The following ATP8B3 variants were observed in gnomAD, a reference collection of about 807,000 sequenced individuals.
ATP8B3 encodes the protein ATPase phospholipid transporting 8B3.
A neutral mutation model predicts 140.9 loss-of-function variants in ATP8B3; 141 were observed. That is an observed-to-expected ratio of 1.00 (90% CI 0.87 to 1.15). ATP8B3 has a LOEUF of 1.15. ATP8B3 is among the 50% of genes most tolerant of loss of function. The pLI is 0.00. For missense variants in ATP8B3, 1,874 were observed against 1,740.6 expected (o/e 1.08, Z -1.36); for synonymous variants, 765 against 714.6 (o/e 1.07, Z -1.13).
chr19:1,798,580 T>TTC (rs2068750602), intron 14 of ATP8B3, among the ~76,000 whole-genome samples: 1 of 151,104 alleles, frequency 6.6e-6, no homozygotes, highest in Non-Finnish European at 1.5e-5. Flanking sequence ...CTATTAAAAA[T>TTC]ACAAAAAATT....
chr19:1,787,126 G>A lies in ATP8B3; in HGVS notation c.3130C>T (p.Leu1044Phe). 6.2e-7 allele frequency: 1 copy of A among 1,609,084 alleles called. No homozygotes were observed. The highest frequency in any genetic ancestry group is 8.5e-7 in the Non-Finnish European group (1 of 1,177,614). ...FNLLYSTLPV[L>F]YIGLFEQDVS... ...ACCTGCTCAAAGAGCCCAATGTAGA[G>A]AACTGGCAGGGTGCTGTACAGGAGG... Residue 1044 changes from leucine (L) to phenylalanine (F), a missense_variant, in exon 25 of 29, where the codon CTC becomes TTC. By Grantham distance (22) the Leu-to-Phe change is conservative. Around this residue, in one of 3 missense-constraint regions of ATP8B3, gnomAD observed 840 missense variants for 760.9 expected, o/e 1.10. Transcript: ENST00000310127.
intron 18 of ATP8B3, among the ~76,000 whole-genome samples, chr19:1,795,434 C>T (rs776199687): frequency 1.7e-4 from 25 of 151,108 alleles, no homozygotes; most frequent in Middle Eastern, 3.3e-3. Context: ...GCCTGTAATT[C>T]CAGCTCCTCG....
Position 1,782,776 on chromosome 19 carries a change from A to G in ATP8B3, c.*252T>C. 1 of 516,306 alleles carries G rather than the reference A, an allele frequency of 1.9e-6. No individual in the cohort carries two copies. Among genetic ancestry groups the G allele is most frequent in the Middle Eastern group, 5.3e-4 (1 of 1,890 alleles). 32.0% of individuals were successfully genotyped at this position (516,306 alleles called of 1,614,324 possible). A position where few individuals can be genotyped will look rare whatever the true frequency, so the allele number is the denominator to read the frequency against. ...TGGTCAACAGCAACTTCTCAGGAGA[A>G]GGTGGCCTCTGCTTGGGTGACAATG... is the stretch of plus-strand genomic sequence containing the variant. On this transcript the variant is annotated 3_prime_UTR_variant, in exon 29 of 29. Transcript: ENST00000310127.
chr19:1,784,650 G>C (rs2145167280), intron 28 of ATP8B3, among the ~76,000 whole-genome samples, 169 bp downstream of exon 28: 2 of 152,328 alleles, frequency 1.3e-5, no homozygotes, highest in Middle Eastern at 6.8e-3. Flanking sequence ...TCGGGCCCCG[G>C]GGGCACTGGG....
At chr19:1,790,689 G>A (rs1266088899) in intron 21 of ATP8B3, 68 bp downstream of exon 21, 2 of 905,950 alleles carry the variant, frequency 2.2e-6, no homozygotes, top group Non-Finnish European at 2.8e-6. Context: ...AGTGAGACAC[G>A]CACCTGGGTG....
intron 23 of ATP8B3, 45 bp from the exon 24 acceptor site, chr19:1,789,165 C>T: frequency 9.6e-7 from 1 of 1,044,544 alleles, no homozygotes; most frequent in South Asian, 1.4e-5. Context: ...CGCCCCCAGT[C>T]CCGCCCGCCC....
chr19:1,808,345 G>C lies in ATP8B3; in HGVS notation c.403-10C>G, dbSNP rs1175808625. ...TGCGGATGACATTGGTCTGGAACGA[G>C]AGCCGCGGGCTGCCTGGCAGAGGGG... On this transcript the variant is annotated splice_polypyrimidine_tract_variant and intron_variant, in intron 4 of 28. Transcript: ENST00000310127. The C allele has an allele frequency of 1.2e-6, 2 of 1,604,926 alleles. No individual in the cohort carries two copies. Among genetic ancestry groups the C allele is most frequent in the Admixed American group, 1.7e-5 (1 of 59,612 alleles).
intron 10 of ATP8B3, among the ~76,000 whole-genome samples, chr19:1,804,747 A>C (rs2068959925): frequency 6.6e-6 from 1 of 152,170 alleles, no homozygotes; most frequent in Non-Finnish European, 1.5e-5. Flanking sequence ...CAGAGGTTGC[A>C]GTGAGCCAAG....
intron 10 of ATP8B3, among the ~76,000 whole-genome samples, chr19:1,804,827 A>G (rs2068963291): frequency 6.6e-6 from 1 of 152,180 alleles, no homozygotes; most frequent in Admixed American, 6.5e-5. Context: ...AAAGAAAAAG[A>G]AACAGCCAAG....
intron 25 of ATP8B3, 40 bp downstream of exon 25, chr19:1,787,063 G>C: frequency 6.6e-7 from 1 of 1,515,732 alleles, no homozygotes; most frequent in Non-Finnish European, 9.0e-7. Flanking sequence ...GAGAGGCTAA[G>C]CAGAGACCTG....
Position 1,785,167 on chromosome 19 carries a change from G to T in ATP8B3, c.3524C>A (p.Pro1175Gln). 1 of 1,577,246 alleles carries T rather than the reference G, an allele frequency of 6.3e-7. No individual in the cohort carries two copies. The highest frequency in any genetic ancestry group is 2.3e-5 in the East Asian group (1 of 43,522). The change falls in exon 27 of 29, where the codon CCG becomes CAG. Residue 1175 changes from proline to glutamine, a missense_variant. By Grantham distance (76) the Pro-to-Gln change is moderately conservative (BLOSUM62 -1). Coordinates refer to ENST00000310127, the MANE Select transcript of ATP8B3 (RefSeq NM_138813.4). ...WLFRVSPTTF[P>Q]FLYADLSVMS... Reference sequence around the variant, plus strand: ...TCCCCATGGGGGCTCACACAGAAACGGGAAGGTCGTGGGGGATACTCTGAA... The same window carrying T: ...TCCCCATGGGGGCTCACACAGAAACTGGAAGGTCGTGGGGGATACTCTGAA...
chr19:1,790,739 C>A lies in ATP8B3; in HGVS notation c.2378+18G>T, dbSNP rs2068479407. 2 of 1,585,812 alleles carry A rather than the reference C, an allele frequency of 1.3e-6. No homozygotes were observed. The highest frequency in any genetic ancestry group is 1.7e-6 in the Non-Finnish European group (2 of 1,167,810). ...CTCCCCACTCCCCTTGCTCACCCCC[C>A]AACTCCCCACTTCTTACCTAATCTC... On this transcript the variant is annotated intron_variant, in intron 21 of 28. Transcript: ENST00000310127.
chr19:1,798,568 C>A (rs1600444412), intron 14 of ATP8B3, among the ~76,000 whole-genome samples: 1 of 151,762 alleles, frequency 6.6e-6, no homozygotes, highest in East Asian at 1.9e-4. Context: ...GAAACCCTGT[C>A]TCTATTAAAA....
At chr19:1,784,303 C>T (rs1276112767) in intron 28 of ATP8B3, among the ~76,000 whole-genome samples, 1 of 152,038 alleles carries the variant, frequency 6.6e-6, no homozygotes, top group Non-Finnish European at 1.5e-5. Context: ...TTGCGTGAGC[C>T]CAGGAGTTTG....
In ATP8B3 at chr19:1,789,634, T is replaced by C; in HGVS notation, c.2572A>G (p.Arg858Gly). 1 of 1,595,836 alleles carries C rather than the reference T, an allele frequency of 6.3e-7. No individual in the cohort carries two copies. Among genetic ancestry groups the C allele is most frequent in the Non-Finnish European group, 8.5e-7 (1 of 1,174,578 alleles). The change falls in exon 23 of 29, where the codon AGG becomes GGG. Residue 858 changes from arginine to glycine, a missense_variant. Physicochemically the swap from Arg to Gly is moderately radical, Grantham distance 125. Around this residue, in one of 3 missense-constraint regions of ATP8B3, gnomAD observed 840 missense variants for 760.9 expected, o/e 1.10. Coordinates refer to ENST00000310127, the MANE Select transcript of ATP8B3 (RefSeq NM_138813.4). The stretch of plus-strand genomic sequence containing the variant: ...AGGCGCCTGGCGTAGAGGAAATCCC[T>C]CCTGGACTGGCCGAGCTCCTGCCAC... ...EAWQELGQSR[R>G]DFLYARRLSL...
At chr19:1,793,797 T>C (rs573334592) in intron 18 of ATP8B3, among the ~76,000 whole-genome samples, 43 of 151,702 alleles carry the variant, frequency 2.8e-4, no homozygotes, top group Admixed American at 4.6e-4. Context: ...GGCTGGAGTG[T>C]AGTGGCGCGA....
At chr19:1,812,123 G>A in intron 1 of ATP8B3, 63 bp downstream of exon 1, 1 of 187,254 alleles carries the variant, frequency 5.3e-6, no homozygotes, top group South Asian at 1.6e-4. Context: ...CAGCCTGGGT[G>A]GAGCCCAGAG....
Position 1,789,578 on chromosome 19 carries a change from C to T in ATP8B3, c.2628G>A (p.Pro876=), listed in dbSNP as rs1239406537. 4 of 1,592,844 alleles carry T rather than the reference C, an allele frequency of 2.5e-6. No individual in the cohort carries two copies. Among genetic ancestry groups the T allele is most frequent in the Non-Finnish European group, 2.6e-6 (3 of 1,175,356 alleles). The stretch of plus-strand genomic sequence containing the variant: ...AGTCCTGGGCTGGCGGTGCAGCCAG[C>T]GGGAGCCCGAACCTCCGGCACAGCA... ...LSLLCRRFGL[P]LAAPPAQDSR... is the part of the protein sequence containing the mutation. Residue 876 remains proline (P), a synonymous_variant, in exon 23 of 29, where the codon CCG becomes CCA. Coordinates refer to ENST00000310127, the MANE Select transcript of ATP8B3 (RefSeq NM_138813.4).
intron 20 of ATP8B3, 81 bp downstream of exon 20, chr19:1,791,669 A>C: frequency 9.2e-7 from 1 of 1,081,906 alleles, no homozygotes; most frequent in Non-Finnish European, 1.4e-6. Context: ...CTGGGATGAC[A>C]GGTGTGAGCC....
Sources: gnomAD v4.1 joint callset for allele counts (sites outside exome capture counted in the v4.1 genomes callset) on GRCh38, gnomAD v4.1.1 for gene constraint, gnomAD v4.1.1 regional missense constraint, MANE v1.5 for transcripts, NCBI Gene and HGNC (gene_info 2026-07-23, HGNC 2026-07-21) for gene names.